DPY19L3: variants seen among roughly 807,000 people sequenced by gnomAD.
DPY19L3 encodes protein C-mannosyl-transferase DPY19L3.
A neutral mutation model predicts 92.3 loss-of-function variants in DPY19L3; 51 were observed. The observed-to-expected ratio is 0.55, with a 90% CI of 0.44 to 0.70. DPY19L3 has a LOEUF of 0.70. DPY19L3 is among the 30% of genes least tolerant of loss of function. The probability of loss-of-function intolerance (pLI) is 0.00; values close to 1 mark genes in which losing one functional copy is unlikely to be tolerated. For synonymous variants in DPY19L3, 309 were observed against 315.2 expected, an observed-to-expected ratio of 0.98 and a Z score of 0.21; for missense variants, 706 against 855.9, an observed-to-expected ratio of 0.82 and a Z score of 2.18.
chr19:32,477,703 C>T, intron 17 of DPY19L3, 49 bp downstream of exon 17: 3 of 1,608,856 alleles, frequency 1.9e-6, no homozygotes, highest in Non-Finnish European at 2.5e-6. Context: ...CAGCTATGGG[C>T]TGCGTGTCCC....
intron 3 of DPY19L3, among the ~76,000 whole-genome samples, chr19:32,415,293 AATG>A (rs1968340052): frequency 6.6e-6 from 1 of 152,312 alleles, no homozygotes; most frequent in South Asian, 2.1e-4. Flanking sequence ...TTCTAGAGGA[AATG>A]ATGGTTAAGT....
chr19:32,454,876 C>T (rs1969817486), intron 9 of DPY19L3, 63 bp from the exon 10 acceptor site: 3 of 1,080,106 alleles, frequency 2.8e-6, no homozygotes, highest in African/African-American at 1.6e-5. Flanking sequence ...GTAAGCTCAT[C>T]TTCAGTGTTT....
intron 1 of DPY19L3, 37 bp downstream of exon 1, chr19:32,405,946 C>G (rs1416511404): frequency 1.3e-5 from 2 of 151,576 alleles, no homozygotes; most frequent in East Asian, 3.9e-4. Context: ...GGGCGAGGGT[C>G]TACCGAGAGG....
intron 15 of DPY19L3, chr19:32,467,420 T>G: frequency 2.0e-5 from 20 of 986,186 alleles, no homozygotes; most frequent in Non-Finnish European, 2.4e-5. Context: ...CATTGAAATA[T>G]TACAAAGGCA....
At chr19:32,463,281 A>T in intron 12 of DPY19L3, 85 bp from the exon 13 acceptor site, 1 of 1,442,160 alleles carries the variant, frequency 6.9e-7, no homozygotes, top group Non-Finnish European at 9.6e-7. Flanking sequence ...ATAAAGGCAT[A>T]CATTTCTTGT....
chr19:32,477,418 T>G, intron 16 of DPY19L3, 104 bp from the exon 17 acceptor site: 1 of 1,457,320 alleles, frequency 6.9e-7, no homozygotes, highest in Non-Finnish European at 9.4e-7. Flanking sequence ...TCGTAACACT[T>G]GGTAACATAG....
chr19:32,440,377 G>C (rs1969284929), intron 8 of DPY19L3, among the ~76,000 whole-genome samples: 1 of 152,188 alleles, frequency 6.6e-6, no homozygotes, highest in Non-Finnish European at 1.5e-5. Context: ...ACCAGTATCT[G>C]TCTCCTAATG....
chr19:32,449,752 T>A (rs956221114), intron 8 of DPY19L3, among the ~76,000 whole-genome samples: 17 of 152,224 alleles, frequency 1.1e-4, no homozygotes, highest in African/African-American at 4.1e-4. Flanking sequence ...TTCCTCTCAC[T>A]GTACACACTA....
intron 3 of DPY19L3, among the ~76,000 whole-genome samples, chr19:32,415,621 C>T (rs139310676): frequency 6.6e-6 from 1 of 152,274 alleles, no homozygotes; most frequent in Non-Finnish European, 1.5e-5. Context: ...TTGCCTTAGG[C>T]TGTGATGTGG....
intron 3 of DPY19L3, among the ~76,000 whole-genome samples, chr19:32,424,333 GAAAT>G (rs1245633329): frequency 7.3e-6 from 1 of 136,318 alleles, no homozygotes; most frequent in South Asian, 2.4e-4. Context: ...AAAAAAAAAA[GAAAT>G]AAATAAAAAA....
intron 11 of DPY19L3, 82 bp from the exon 12 acceptor site, chr19:32,458,269 C>T (rs2145578526): frequency 6.3e-7 from 1 of 1,577,440 alleles, no homozygotes; most frequent in East Asian, 2.2e-5. Context: ...CTATTAATTG[C>T]AGACTCCCTC....
At chr19:32,422,461 A>C (rs545936763) in intron 3 of DPY19L3, among the ~76,000 whole-genome samples, 63 of 152,350 alleles carry the variant, frequency 4.1e-4, no homozygotes, top group Admixed American at 9.8e-4. Context: ...GAATCCGTAG[A>C]ATGTACAGAA....
Position 32,432,698 on chromosome 19 carries a change from G to C in DPY19L3, c.238-18G>C. On this transcript the variant is annotated intron_variant, in intron 3 of 18. Transcript: ENST00000392250. ...AAAACTAGGTCACATAAACCCATAG[G>C]ATCTAACTCTGTTTTAGGAAGTGGA... 1 of 1,610,104 alleles carries C rather than the reference G, an allele frequency of 6.2e-7. No individual in the cohort carries two copies. Among genetic ancestry groups the C allele is most frequent in the Non-Finnish European group, 8.5e-7 (1 of 1,176,892 alleles).
chr19:32,427,348 G>T (rs1294551353), intron 3 of DPY19L3, among the ~76,000 whole-genome samples: 1 of 152,072 alleles, frequency 6.6e-6, no homozygotes, highest in Admixed American at 6.6e-5. Flanking sequence ...CTAAATTCTT[G>T]CACCTTTTTG....
chr19:32,406,367 T>A (rs1967947997), intron 1 of DPY19L3: 1 of 152,302 alleles, frequency 6.6e-6, no homozygotes, highest in Non-Finnish European at 1.5e-5. Context: ...TTTTTTATTT[T>A]TATTTTTTAG....
At chr19:32,438,979 C>A in intron 6 of DPY19L3, 133 bp from the exon 7 acceptor site, 1 of 900,864 alleles carries the variant, frequency 1.1e-6, no homozygotes, top group Non-Finnish European at 1.7e-6. Flanking sequence ...ATGATAAGGA[C>A]AATTATTGAG....
At chr19:32,427,293 G>T (rs1402244976) in intron 3 of DPY19L3, among the ~76,000 whole-genome samples, 1 of 152,014 alleles carries the variant, frequency 6.6e-6, no homozygotes, top group African/African-American at 2.4e-5. Context: ...CCGCACCCCC[G>T]CATTCTTCTT....
At chr19:32,431,755 G>T (rs1472913154) in intron 3 of DPY19L3, among the ~76,000 whole-genome samples, 1 of 152,174 alleles carries the variant, frequency 6.6e-6, no homozygotes, top group Non-Finnish European at 1.5e-5. Context: ...AAACAAAGGT[G>T]TCACTATCTC....
chr19:32,424,635 C>T (rs1222055797), intron 3 of DPY19L3, among the ~76,000 whole-genome samples: 3 of 151,728 alleles, frequency 2.0e-5, no homozygotes, highest in Non-Finnish European at 2.9e-5. Flanking sequence ...GTCTCAAAAA[C>T]AAAAAAAGGT....
Sources: gnomAD v4.1 joint callset for allele counts (sites outside exome capture counted in the v4.1 genomes callset) on GRCh38, gnomAD v4.1.1 for gene constraint, MANE v1.5 for transcripts, NCBI Gene and HGNC (gene_info 2026-07-23, HGNC 2026-07-21) for gene names.